ZRANB3: variants seen among roughly 807,000 people sequenced by gnomAD.
The protein encoded by ZRANB3 is DNA annealing helicase and endonuclease ZRANB3.
Under a neutral mutation model 133.8 loss-of-function variants are expected in ZRANB3, and 125 were observed. The ratio of observed to expected loss-of-function variants is 0.93; its 90% CI spans 0.81 to 1.08. ZRANB3 has a LOEUF of 1.08. ZRANB3 is among the 50% of genes least tolerant of loss of function. The probability of loss-of-function intolerance (pLI) is 0.00; values close to 1 mark genes in which losing one functional copy is unlikely to be tolerated. For missense variants in ZRANB3, 1,229 were observed against 1,275.5 expected (o/e 0.96, Z 0.56); for synonymous variants, 387 against 432.7 (o/e 0.89, Z 1.31).
chr2:135,244,416 G>A (rs935940418), intron 12 of ZRANB3, among the ~76,000 whole-genome samples: 6 of 152,126 alleles, frequency 3.9e-5, no homozygotes, highest in African/African-American at 1.2e-4. Context: ...AACCAGCCTG[G>A]CCAACACGGT....
intron 2 of ZRANB3, among the ~76,000 whole-genome samples, chr2:135,484,865 C>T (rs1291909716): frequency 2.0e-5 from 3 of 151,664 alleles, no homozygotes; most frequent in Admixed American, 1.3e-4. Flanking sequence ...GAAACCCCGC[C>T]TCTACTAAAA....
At chr2:135,439,623 A>T (rs1689694076) in intron 2 of ZRANB3, among the ~76,000 whole-genome samples, 1 of 152,204 alleles carries the variant, frequency 6.6e-6, no homozygotes, top group South Asian at 2.1e-4. Context: ...TAGAAAATAT[A>T]TTTAAGATTC....
intron 2 of ZRANB3, among the ~76,000 whole-genome samples, chr2:135,495,035 T>C (rs944534783): frequency 2.0e-5 from 3 of 152,232 alleles, no homozygotes; most frequent in South Asian, 2.1e-4. Context: ...AGGAGTTCAA[T>C]AGCAGCCTGT....
intron 2 of ZRANB3, among the ~76,000 whole-genome samples, chr2:135,408,821 G>A (rs953052773): frequency 3.3e-5 from 5 of 150,670 alleles, no homozygotes; most frequent in Admixed American, 2.0e-4. Flanking sequence ...ACTGGGGCCT[G>A]TTGTGGGGTC....
chr2:135,312,832 A>G (rs1683064319), intron 8 of ZRANB3, among the ~76,000 whole-genome samples: 1 of 151,890 alleles, frequency 6.6e-6, no homozygotes, highest in Non-Finnish European at 1.5e-5. Flanking sequence ...CCTGGCCAAC[A>G]TGATGGACCC....
At chr2:135,398,234 T>C (rs1369653574) in intron 2 of ZRANB3, among the ~76,000 whole-genome samples, 2 of 151,168 alleles carry the variant, frequency 1.3e-5, no homozygotes, top group African/African-American at 4.9e-5. Context: ...CCCGGCTAAT[T>C]GTTTTGTTTT....
intron 14 of ZRANB3, among the ~76,000 whole-genome samples, chr2:135,225,206 T>C (rs1460993430): frequency 1.3e-5 from 2 of 150,846 alleles, no homozygotes; most frequent in East Asian, 3.8e-4. Flanking sequence ...AGGAAGAAAC[T>C]GAGGCACGTT....
chr2:135,350,827 C>T (rs11895328), intron 4 of ZRANB3, among the ~76,000 whole-genome samples: 9,017 of 152,242 alleles, frequency 0.059, 534 homozygotes, highest in African/African-American at 0.15. Context: ...TTAGAAGAAG[C>T]GGGTACCACC....
At chr2:135,309,905 T>G (rs1682889380) in intron 8 of ZRANB3, among the ~76,000 whole-genome samples, 1 of 152,212 alleles carries the variant, frequency 6.6e-6, no homozygotes. Flanking sequence ...AGGAATACAG[T>G]AGGGTAAACA....
chr2:135,283,444 A>T (rs1681191270), intron 8 of ZRANB3, among the ~76,000 whole-genome samples: 1 of 151,782 alleles, frequency 6.6e-6, no homozygotes, highest in Non-Finnish European at 1.5e-5. Context: ...CCCCATCTCT[A>T]CTAAAATACA....
At position 135,217,537 on chromosome 2, in the gene ZRANB3, T is replaced by TTG; in HGVS notation, c.2422_2423insCA (p.Gln808ProfsTer28). The TTG allele has an allele frequency of 6.2e-7, 1 of 1,613,832 alleles. No individual in the cohort carries two copies. The highest frequency in any genetic ancestry group is 8.5e-7 in the Non-Finnish European group (1 of 1,179,814). On this transcript the variant is annotated frameshift_variant, in exon 17 of 21. Coordinates refer to ENST00000264159, the MANE Select transcript of ZRANB3 (RefSeq NM_032143.4). LOFTEE classifies it high-confidence loss of function. ...AGCAAGAATTGGGCTACAGAATAGCTGTCCACTTTTCCTGATTATCCTTTG... is the reference window on the plus strand; with the variant it reads ...AGCAAGAATTGGGCTACAGAATAGCTTGGTCCACTTTTCCTGATTATCCTTTG...
chr2:135,446,839 T>A (rs1445481672), intron 2 of ZRANB3, among the ~76,000 whole-genome samples: 1 of 152,126 alleles, frequency 6.6e-6, no homozygotes, highest in Non-Finnish European at 1.5e-5. Flanking sequence ...GTAGAAAAGG[T>A]GTGAGCTGGA....
At chr2:135,289,252 G>T (rs1488113992) in intron 8 of ZRANB3, among the ~76,000 whole-genome samples, 1 of 151,978 alleles carries the variant, frequency 6.6e-6, no homozygotes, top group Non-Finnish European at 1.5e-5. Flanking sequence ...TTCTTTTGTA[G>T]TTGATTTCTT....
chr2:135,240,941 T>A (rs1317975042), intron 12 of ZRANB3, among the ~76,000 whole-genome samples: 2 of 152,206 alleles, frequency 1.3e-5, no homozygotes, highest in African/African-American at 4.8e-5. Context: ...GAAAATGTTG[T>A]TCCTTGGTAG....
chr2:135,345,890 G>A lies in ZRANB3; in HGVS notation c.592-255C>T, dbSNP rs113640027. Among the ~76,000 whole-genome samples the A allele has an allele frequency of 3.0e-3, 452 of 152,114 alleles. 3 individuals carry two copies. The highest frequency in any genetic ancestry group is 0.01 in the African/African-American group (421 of 41,486). ...TAAGGAGGATCATATCATATATATT[G>A]TTACACTAGAATTTTGTCCCATAAA... On this transcript the variant is annotated intron_variant, in intron 5 of 20. Coordinates refer to ENST00000264159, the MANE Select transcript of ZRANB3 (RefSeq NM_032143.4).
intron 2 of ZRANB3, among the ~76,000 whole-genome samples, chr2:135,428,996 A>G (rs1370347097): frequency 6.6e-6 from 1 of 152,220 alleles, no homozygotes; most frequent in Non-Finnish European, 1.5e-5. Flanking sequence ...AAGTACTTAA[A>G]ACAGAATTAC....
rs771207570 is a variant in ZRANB3, at chr2:135,227,897, CTG to C, written c.2071_2072del (p.Gln691ValfsTer8). 4 of 1,565,824 alleles carry C rather than the reference CTG, an allele frequency of 2.6e-6. No homozygotes were observed. In the African/African-American group the frequency reaches 5.4e-5, roughly 21 times the overall value. On this transcript the variant is annotated frameshift_variant, in exon 14 of 21. Transcript: ENST00000264159. LOFTEE classifies it high-confidence loss of function. ...TGTCAGCCAACTGGCCAGGTTCTGACTGTGCAAGGGCTTGTTTTTCACAGTCT... is the reference window on the plus strand; with the variant it reads ...TGTCAGCCAACTGGCCAGGTTCTGACTGCAAGGGCTTGTTTTTCACAGTCT... ...ISDCEKQALA[Q>X]SEPGQLADSK... is the part of the protein sequence containing the mutation.
At chr2:135,288,486 A>G (rs549089675) in intron 8 of ZRANB3, among the ~76,000 whole-genome samples, 1 of 152,222 alleles carries the variant, frequency 6.6e-6, no homozygotes, top group African/African-American at 2.4e-5. Context: ...ATCTTTCGGA[A>G]CAGTTTCAAT....
chr2:135,329,596 A>G (rs1407775485), intron 6 of ZRANB3, among the ~76,000 whole-genome samples: 2 of 152,182 alleles, frequency 1.3e-5, no homozygotes, highest in Non-Finnish European at 2.9e-5. Context: ...TTCTGTGAAG[A>G]AAGTCATTGG....
Sources: allele counts gnomAD v4.1 joint callset (sites outside exome capture counted in the v4.1 genomes callset), GRCh38; gene constraint gnomAD v4.1.1; transcripts MANE v1.5; gene names NCBI Gene and HGNC (gene_info 2026-07-23, HGNC 2026-07-21).